Variants in TSHR observed in about 807,000 individuals in gnomAD.
The protein encoded by TSHR is thyroid stimulating hormone receptor.
TSHR carries 51 observed loss-of-function variants against 64.1 expected under a neutral mutation model. That is an observed-to-expected ratio of 0.80 (90% CI 0.64 to 1.01). The LOEUF (loss-of-function observed/expected upper bound fraction) is 1.01. Ranked by LOEUF, TSHR falls within the 50% of genes least tolerant of loss-of-function variation. The probability of loss-of-function intolerance (pLI) is 0.00; values close to 1 mark genes in which losing one functional copy is unlikely to be tolerated. For synonymous variants in TSHR, 361 were observed against 361.9 expected, an observed-to-expected ratio of 1.00 and a Z score of 0.03; for missense variants, 877 against 942.8, an observed-to-expected ratio of 0.93 and a Z score of 0.91.
At chr14:81,023,820 A>G (rs1883900697) in intron 1 of TSHR, among the ~76,000 whole-genome samples, 1 of 152,136 alleles carries the variant, frequency 6.6e-6, no homozygotes, top group South Asian at 2.1e-4. Flanking sequence ...TGCACAAAAC[A>G]GTAGAGGTAG....
intron 1 of TSHR, among the ~76,000 whole-genome samples, chr14:81,023,181 A>T (rs1009782764): frequency 3.3e-5 from 5 of 152,198 alleles, no homozygotes; most frequent in African/African-American, 1.2e-4. Context: ...ATAGGCTATA[A>T]ATGGAAAGGA....
chr14:81,085,998 C>T (rs543872402), intron 3 of TSHR, among the ~76,000 whole-genome samples: 3 of 151,418 alleles, frequency 2.0e-5, no homozygotes, highest in South Asian at 4.1e-4. Context: ...ATTTTAAAGC[C>T]AGGACAAAAA....
At chr14:81,104,034 T>C (rs983950155) in intron 7 of TSHR, 1 of 985,436 alleles carries the variant, frequency 1.0e-6, no homozygotes, top group Non-Finnish European at 1.2e-6. Flanking sequence ...AAGACAATGA[T>C]AGAGAATATT....
At chr14:80,994,169 T>C (rs1888884624) in intron 1 of TSHR, 1 of 152,166 alleles carries the variant, frequency 6.6e-6, no homozygotes, top group South Asian at 2.1e-4. Context: ...TAATAACGTT[T>C]TCTTTTTTTT....
chr14:81,069,598 G>A (rs1886912315), intron 3 of TSHR, among the ~76,000 whole-genome samples: 1 of 152,190 alleles, frequency 6.6e-6, no homozygotes, highest in Admixed American at 6.5e-5. Context: ...CAGAGGTTTA[G>A]GCATCTATTA....
intron 7 of TSHR, chr14:81,102,570 C>T (rs1176421018): frequency 1.9e-5 from 3 of 160,672 alleles, no homozygotes; most frequent in African/African-American, 7.2e-5. Context: ...TGGGAAAAGC[C>T]CAGATAGCAA....
chr14:80,978,725 C>T (rs939657732), intron 1 of TSHR, among the ~76,000 whole-genome samples: 1 of 152,176 alleles, frequency 6.6e-6, no homozygotes, highest in Non-Finnish European at 1.5e-5. Flanking sequence ...AAAGCTGTTT[C>T]CTGGAGGGAG....
At chr14:81,115,896 AT>A (rs1890482006) in intron 8 of TSHR, among the ~76,000 whole-genome samples, 1 of 149,134 alleles carries the variant, frequency 6.7e-6, no homozygotes, top group African/African-American at 2.4e-5. Flanking sequence ...CAAGAAAAGA[AT>A]TTTCAACCCA....
At chr14:81,000,539 C>T (rs547601672) in intron 1 of TSHR, among the ~76,000 whole-genome samples, 39 of 152,274 alleles carry the variant, frequency 2.6e-4, no homozygotes, top group Admixed American at 3.9e-4. Context: ...ATAGATGCTA[C>T]AGAGCTTCTG....
chr14:81,123,374 A>AT (rs1472200597), intron 8 of TSHR, among the ~76,000 whole-genome samples: 1 of 152,162 alleles, frequency 6.6e-6, no homozygotes, highest in African/African-American at 2.4e-5. Context: ...AATCTCCATT[A>AT]TTTTTTCCCA....
intron 8 of TSHR, among the ~76,000 whole-genome samples, chr14:81,130,998 CAAAAAAAAA>C (rs76794218): frequency 3.0e-5 from 2 of 67,362 alleles, no homozygotes; most frequent in Admixed American, 1.8e-4. Context: ...ACTCCGTCTC[CAAAAAAAAA>C]AAAAAAAAAA....
chr14:80,972,209 A>G (rs1887620598), intron 1 of TSHR, among the ~76,000 whole-genome samples: 1 of 152,168 alleles, frequency 6.6e-6, no homozygotes, highest in Non-Finnish European at 1.5e-5. Flanking sequence ...TTACATTTTA[A>G]CAGTTTTAGC....
intron 3 of TSHR, among the ~76,000 whole-genome samples, chr14:81,070,261 A>G (rs112285722): frequency 0.015 from 2,344 of 152,296 alleles, 82 homozygotes; most frequent in African/African-American, 0.053. Flanking sequence ...CCCCGAAAGG[A>G]TAAATACGAA....
intron 8 of TSHR, among the ~76,000 whole-genome samples, chr14:81,138,267 T>C (rs1190228687): frequency 1.3e-5 from 2 of 149,352 alleles, no homozygotes; most frequent in Non-Finnish European, 3.0e-5. Flanking sequence ...CTCAGCTCAC[T>C]GCAACTTCCG....
intron 1 of TSHR, among the ~76,000 whole-genome samples, chr14:80,956,926 T>C (rs1886725262): frequency 6.6e-6 from 1 of 152,154 alleles, no homozygotes; most frequent in South Asian, 2.1e-4. Context: ...CAGAATAAGA[T>C]GTGTAAAAGG....
chr14:81,087,526 C>T (rs904861266), intron 3 of TSHR: 3 of 269,326 alleles, frequency 1.1e-5, no homozygotes, highest in South Asian at 4.1e-5. Flanking sequence ...GCTGTGCTGT[C>T]GTTCATCATA....
chr14:81,087,114 A>G (rs1027359888), intron 3 of TSHR, among the ~76,000 whole-genome samples: 2 of 152,236 alleles, frequency 1.3e-5, no homozygotes, highest in African/African-American at 4.8e-5. Context: ...CAGAGGTCAC[A>G]TTCTAAGCTT....
rs750198847 is a variant in TSHR, at chr14:81,143,650, G to A, written c.1592G>A (p.Arg531Gln). 81 of 1,614,010 alleles carry A rather than the reference G, an allele frequency of 5.0e-5. No individual in the cohort carries two copies. The highest frequency in any genetic ancestry group is 1.3e-4 in the Admixed American group (8 of 60,004). ...YAITFAMRLD[R>Q]KIRLRHACAI... ...ATCACCTTCGCCATGCGCCTGGACC[G>A]GAAGATCCGCCTCAGGCACGCATGT... is the stretch of plus-strand genomic sequence containing the variant. Residue 531 changes from arginine (R) to glutamine (Q), a missense_variant, in exon 10 of 10, where the codon CGG (arginine) becomes CAG (glutamine). Arg to Gln is a conservative substitution (Grantham distance 43, BLOSUM62 1). Coordinates refer to ENST00000298171, the MANE Select transcript of TSHR (RefSeq NM_000369.5).
At chr14:81,083,003 G>C (rs923376467) in intron 3 of TSHR, among the ~76,000 whole-genome samples, 2 of 139,226 alleles carry the variant, frequency 1.4e-5, no homozygotes, top group Non-Finnish European at 3.1e-5. Flanking sequence ...GGGGACACTA[G>C]GAAAATGGAA....
Sources: gnomAD v4.1 joint callset for allele counts (sites outside exome capture counted in the v4.1 genomes callset) on GRCh38, gnomAD v4.1.1 for gene constraint, MANE v1.5 for transcripts, NCBI Gene and HGNC (gene_info 2026-07-23, HGNC 2026-07-21) for gene names.